The following GAN variants were observed in gnomAD, a reference collection of about 807,000 sequenced individuals.
GAN encodes the protein epididymis secretory sperm binding protein.
Under a neutral mutation model 71.3 loss-of-function variants are expected in GAN, and 48 were observed. That is an observed-to-expected ratio of 0.67 (90% CI 0.53 to 0.86). The LOEUF (loss-of-function observed/expected upper bound fraction) is 0.86, where lower values mean the gene tolerates loss of function less well. GAN is among the 40% of genes least tolerant of loss of function. The pLI is 0.00. For missense variants in GAN, 928 were observed against 770.1 expected, an observed-to-expected ratio of 1.21 and a Z score of -2.43; for synonymous variants, 386 against 276.8, an observed-to-expected ratio of 1.39 and a Z score of -3.92.
At chr16:81,334,718 C>T (rs1048416699) in intron 1 of GAN, among the ~76,000 whole-genome samples, 1 of 152,146 alleles carries the variant, frequency 6.6e-6, no homozygotes, top group Non-Finnish European at 1.5e-5. Flanking sequence ...GAGGACAAAC[C>T]AGTGGGATGG....
chr16:81,340,709 TGGA>T (rs1909913188), intron 1 of GAN, among the ~76,000 whole-genome samples: 1 of 150,568 alleles, frequency 6.6e-6, no homozygotes, highest in Admixed American at 6.6e-5. Flanking sequence ...GAAAATTCTT[TGGA>T]GGAGAAGAGA....
At chr16:81,363,703 A>T (rs1457357347) in intron 6 of GAN, 91 bp from the exon 7 acceptor site, 27 of 1,338,550 alleles carry the variant, frequency 2.0e-5, no homozygotes, top group Middle Eastern at 1.8e-4. Context: ...TGCCATCTTT[A>T]TGTTTCTCTA....
At chr16:81,355,421 G>C (rs1910454525) in intron 3 of GAN, among the ~76,000 whole-genome samples, 1 of 152,332 alleles carries the variant, frequency 6.6e-6, no homozygotes, top group South Asian at 2.1e-4. Context: ...AGTAGCCAGA[G>C]TGGCACGATC....
chr16:81,336,632 AT>A (rs201476144), intron 1 of GAN, among the ~76,000 whole-genome samples: 10,596 of 120,890 alleles, frequency 0.088, 708 homozygotes, highest in East Asian at 0.38. Flanking sequence ...CAGTTGGCTA[AT>A]TTTTTTTTTT....
At chr16:81,337,472 A>C (rs934302822) in intron 1 of GAN, among the ~76,000 whole-genome samples, 2 of 152,264 alleles carry the variant, frequency 1.3e-5, no homozygotes, top group African/African-American at 4.8e-5. Flanking sequence ...TGTTATGTCA[A>C]GCCCCATTCA....
rs1350725609 is a variant in GAN, at chr16:81,377,603, A to G, written c.*7A>G. 1 of 1,613,084 alleles carries G rather than the reference A, an allele frequency of 6.2e-7. No individual in the cohort carries two copies. The highest frequency in any genetic ancestry group is 1.7e-5 in the Admixed American group (1 of 60,024). ...TCGTGTTCATTCCCCTTGAGGAGGAAGCAGAGCAGAGTGCGAGATCCTGAC... is the reference window on the plus strand; with the variant it reads ...TCGTGTTCATTCCCCTTGAGGAGGAGGCAGAGCAGAGTGCGAGATCCTGAC... On this transcript the variant is annotated 3_prime_UTR_variant, in exon 11 of 11. Coordinates refer to ENST00000648994, the MANE Select transcript of GAN (RefSeq NM_022041.4).
intron 6 of GAN, 132 bp downstream of exon 6, chr16:81,362,743 CCTT>C (rs1346715545): frequency 5.9e-5 from 42 of 706,750 alleles, no homozygotes; most frequent in Admixed American, 4.2e-4. Flanking sequence ...TCCAACCTCT[CCTT>C]CTAGTGCCCG....
In GAN at chr16:81,342,489, G is replaced by T. The variant is rs1432939501; in HGVS notation, c.168-9094G>T. On this transcript the variant is annotated intron_variant, in intron 1 of 10. Transcript: ENST00000648994. ...AGGATTCAGACTCTCACTCAAAACC[G>T]CACAACTACATGGAAACTGAACAAC... Among the ~76,000 whole-genome samples the T allele has an allele frequency of 4.6e-5, 7 of 152,232 alleles. No homozygotes were observed. In the East Asian group the frequency reaches 1.2e-3, roughly 25 times the overall value.
rs535388008 is a variant in GAN at position 81,345,192 on chromosome 16, G to A, written c.168-6391G>A. ...TTCAACCATTGTGGAAGACAGTGTG[G>A]CGATTCCTCAAGGATCTAGAACTAG... On this transcript the variant is annotated intron_variant, in intron 1 of 10. Transcript: ENST00000648994. Among the ~76,000 whole-genome samples the A allele has an allele frequency of 3.9e-5, 6 of 152,308 alleles. No individual in the cohort carries two copies. The South Asian group carries it at 1.2e-3, about 32-fold the overall frequency.
At chr16:81,373,072 T>C (rs189652924) in intron 9 of GAN, among the ~76,000 whole-genome samples, 2 of 152,366 alleles carry the variant, frequency 1.3e-5, no homozygotes, top group Admixed American at 1.3e-4. Context: ...CTTTTGTGTT[T>C]ATTGGAATTC....
At chr16:81,324,794 A>G (rs1909328277) in intron 1 of GAN, among the ~76,000 whole-genome samples, 1 of 152,116 alleles carries the variant, frequency 6.6e-6, no homozygotes. Flanking sequence ...TAAAAGAGGA[A>G]TATTTGTTTG....
Position 81,315,215 on chromosome 16 carries a change from G to C in GAN, c.102G>C (p.Leu34=). The C allele has an allele frequency of 6.3e-7, 1 of 1,580,972 alleles. No individual in the cohort carries two copies. Among genetic ancestry groups the C allele is most frequent in the Non-Finnish European group, 8.6e-7 (1 of 1,165,868 alleles). ...AGTCTCGCTTCTGCGACGCGCACCT[G>C]GTCCTCGACGGGGAGGAGATCCCGG... ...REESRFCDAH[L]VLDGEEIPVQ... The change falls in exon 1 of 11, where the codon CTG becomes CTC. Residue 34 remains leucine (L), a synonymous_variant. Transcript: ENST00000648994.
At position 81,383,553 on chromosome 16, in the gene GAN, CTTTTT is replaced by C. The variant is rs898860277; in HGVS notation, c.*5966_*5970del. ...AGGTGTGAGCCACCTCGCCTGCCCTCTTTTTTTTTTTTTATTTTGAGATTAAAACT... is the reference window on the plus strand; with the variant it reads ...AGGTGTGAGCCACCTCGCCTGCCCTCTTTTTTTTATTTTGAGATTAAAACT... On this transcript the variant is annotated 3_prime_UTR_variant, in exon 11 of 11. Transcript: ENST00000648994. 1 of 143,720 alleles carries C rather than the reference CTTTTT, an allele frequency of 7.0e-6. No individual in the cohort carries two copies. The highest frequency in any genetic ancestry group is 1.5e-5 in the Non-Finnish European group (1 of 65,338). 8.9% of individuals were successfully genotyped at this position (143,720 alleles called of 1,614,324 possible).
chr16:81,344,256 A>C (rs1425137077), intron 1 of GAN, among the ~76,000 whole-genome samples: 2 of 152,166 alleles, frequency 1.3e-5, no homozygotes, highest in African/African-American at 4.8e-5. Flanking sequence ...AATTGGAAAA[A>C]CTACTTTAAA....
At chr16:81,376,134 T>G (rs927919810) in intron 9 of GAN, among the ~76,000 whole-genome samples, 1 of 152,096 alleles carries the variant, frequency 6.6e-6, no homozygotes, top group African/African-American at 2.4e-5. Flanking sequence ...TTCTCATGCA[T>G]TGCTAATTGG....
intron 6 of GAN, among the ~76,000 whole-genome samples, chr16:81,363,151 G>T (rs1910734918): frequency 6.6e-6 from 1 of 152,234 alleles, no homozygotes; most frequent in African/African-American, 2.4e-5. Context: ...GCCTTGGCCT[G>T]ACCCTGTCCT....
At chr16:81,355,863 A>G (rs1437790554) in intron 3 of GAN, among the ~76,000 whole-genome samples, 1 of 152,204 alleles carries the variant, frequency 6.6e-6, no homozygotes, top group Non-Finnish European at 1.5e-5. Context: ...GCCCATAAGT[A>G]TGCATGTTTA....
At position 81,377,847 on chromosome 16, in the gene GAN, G is replaced by T. The variant is rs1264162301; in HGVS notation, c.*251G>T. 1.9e-6 allele frequency: 1 copy of T among 536,200 alleles called. No homozygotes were observed. Among genetic ancestry groups the T allele is most frequent in the Non-Finnish European group, 3.3e-6 (1 of 298,594 alleles). The allele number at this position is 536,200 out of a possible 1,614,324, so 33.2% of individuals were successfully genotyped here. A position where few individuals can be genotyped will look rare whatever the true frequency, so the allele number is the denominator to read the frequency against. On this transcript the variant is annotated 3_prime_UTR_variant, in exon 11 of 11. Coordinates refer to ENST00000648994, the MANE Select transcript of GAN (RefSeq NM_022041.4). ...GGCTGTAGATGTTGGAGGCTAGGGA[G>T]GCTAGTAAATATCAAAAGGAAAAGG...
intron 9 of GAN, among the ~76,000 whole-genome samples, chr16:81,373,088 G>T (rs1911085445): frequency 6.6e-6 from 1 of 152,210 alleles, no homozygotes; most frequent in African/African-American, 2.4e-5. Flanking sequence ...AATTCAAAAT[G>T]TGGAAGCCAC....
Sources: allele counts gnomAD v4.1 joint callset (sites outside exome capture counted in the v4.1 genomes callset), GRCh38; gene constraint gnomAD v4.1.1; transcripts MANE v1.5; gene names NCBI Gene and HGNC (gene_info 2026-07-23, HGNC 2026-07-21).